PHACTR3: variants seen among roughly 807,000 people sequenced by gnomAD.
PHACTR3 encodes protein phosphatase 1, regulatory subunit 123.
A neutral mutation model predicts 66.8 loss-of-function variants in PHACTR3; 16 were observed. The observed-to-expected ratio is 0.24, with a 90% CI of 0.16 to 0.36. The LOEUF (loss-of-function observed/expected upper bound fraction) is 0.36, where lower values mean the gene tolerates loss of function less well. Among genes scored for constraint, PHACTR3 ranks in the 10% least tolerant of loss-of-function variants. The pLI, the probability that PHACTR3 is intolerant of heterozygous loss-of-function variation, is 1.00. For missense variants in PHACTR3, 647 were observed against 719.9 expected, an observed-to-expected ratio of 0.90 and a Z score of 1.16; for synonymous variants, 323 against 292.1, an observed-to-expected ratio of 1.11 and a Z score of -1.08.
At chr20:59,756,527 G>C (rs1025841322) in intron 4 of PHACTR3, among the ~76,000 whole-genome samples, 1 of 152,264 alleles carries the variant, frequency 6.6e-6, no homozygotes, top group East Asian at 1.9e-4. Context: ...CTCTTCGGGG[G>C]TGGCCGTGTC....
intron 1 of PHACTR3, among the ~76,000 whole-genome samples, chr20:59,666,581 GGA>G (rs768733251): frequency 4.0e-5 from 6 of 151,528 alleles, no homozygotes; most frequent in Admixed American, 1.3e-4. Flanking sequence ...AGAGAGACAG[GGA>G]GAGAGAGAAA....
intron 8 of PHACTR3, among the ~76,000 whole-genome samples, chr20:59,826,729 C>T (rs1393205509): frequency 1.3e-5 from 2 of 152,200 alleles, no homozygotes; most frequent in Non-Finnish European, 2.9e-5. Flanking sequence ...CTGCTTCCCT[C>T]TCTCACGTCC....
chr20:59,805,622 G>GA (rs1303252187), intron 7 of PHACTR3, among the ~76,000 whole-genome samples: 3 of 152,178 alleles, frequency 2.0e-5, no homozygotes, highest in Non-Finnish European at 4.4e-5. Context: ...TGTGGCTGGG[G>GA]GGACAGTGGG....
At chr20:59,671,903 C>G (rs1423731862) in intron 1 of PHACTR3, among the ~76,000 whole-genome samples, 5 of 152,260 alleles carry the variant, frequency 3.3e-5, no homozygotes, top group Admixed American at 3.3e-4. Context: ...TCCAGCCTGG[C>G]CTCTCTAGGA....
Position 59,755,270 on chromosome 20 carries a change from A to C in PHACTR3, c.447A>C (p.Ser149=), listed in dbSNP as rs1164209555. Residue 149 remains serine (S), a synonymous_variant, in exon 4 of 13, where the codon TCA becomes TCC. Coordinates refer to ENST00000371015, the MANE Select transcript of PHACTR3 (RefSeq NM_080672.5). ...PPTPKSETLT[S]EDAQPGSPLA... ...CTCCCAAGTCGGAGACGCTGACTTC[A>C]GAAGATGCCCAGCCCGGAAGCCCCT... The C allele has an allele frequency of 1.2e-6, 2 of 1,613,774 alleles. No individual in the cohort carries two copies. Among genetic ancestry groups the C allele is most frequent in the Non-Finnish European group, 8.5e-7 (1 of 1,180,038 alleles).
chr20:59,780,634 G>T (rs2040692037), intron 7 of PHACTR3, among the ~76,000 whole-genome samples: 2 of 152,132 alleles, frequency 1.3e-5, no homozygotes. Context: ...AATTTTGGGG[G>T]ACACAAACAT....
chr20:59,646,840 GTGTT>G (rs1377352163), intron 1 of PHACTR3, among the ~76,000 whole-genome samples: 5 of 152,362 alleles, frequency 3.3e-5, no homozygotes, highest in Middle Eastern at 3.4e-3. Context: ...GACTGTGTGA[GTGTT>G]TGGGGAGGTA....
At chr20:59,581,764 C>T (rs368048017) in intron 1 of PHACTR3, among the ~76,000 whole-genome samples, 28 of 152,170 alleles carry the variant, frequency 1.8e-4, no homozygotes, top group African/African-American at 6.5e-4. Flanking sequence ...GCCTGTAGTC[C>T]CAGCTACTTG....
chr20:59,664,055 T>C (rs2146484920), intron 1 of PHACTR3, among the ~76,000 whole-genome samples: 1 of 152,294 alleles, frequency 6.6e-6, no homozygotes, highest in Non-Finnish European at 1.5e-5. Context: ...CCTAAACACT[T>C]ATGAGAGAAA....
At chr20:59,791,970 A>G (rs1303541701) in intron 7 of PHACTR3, among the ~76,000 whole-genome samples, 1 of 152,082 alleles carries the variant, frequency 6.6e-6, no homozygotes, top group Non-Finnish European at 1.5e-5. Flanking sequence ...TCCATCTTGG[A>G]GATTAGGTAT....
rs1279147101 is a variant in PHACTR3, at chr20:59,847,270, C to T, written c.*140C>T. 7 of 546,910 alleles carry T rather than the reference C, an allele frequency of 1.3e-5. No individual in the cohort carries two copies. Among genetic ancestry groups the T allele is most frequent in the Non-Finnish European group, 2.3e-5 (7 of 301,528 alleles). The allele number at this position is 546,910 out of a possible 1,614,324, so 33.9% of individuals were successfully genotyped here. On this transcript the variant is annotated 3_prime_UTR_variant, in exon 13 of 13. Transcript: ENST00000371015. Reference sequence around the variant, plus strand: ...AAGAGTAGGATCACACACACAGGTGCAATCTTGACCACACTTACCTGCAAG... The same window carrying T: ...AAGAGTAGGATCACACACACAGGTGTAATCTTGACCACACTTACCTGCAAG...
intron 1 of PHACTR3, among the ~76,000 whole-genome samples, chr20:59,623,669 A>T (rs1005242478): frequency 1.3e-5 from 2 of 152,094 alleles, no homozygotes; most frequent in African/African-American, 4.8e-5. Context: ...GTGGGAATGG[A>T]CCAGATGAAG....
intron 3 of PHACTR3, among the ~76,000 whole-genome samples, chr20:59,749,526 G>A (rs367603687): frequency 2.6e-5 from 4 of 152,204 alleles, no homozygotes; most frequent in African/African-American, 7.2e-5. Flanking sequence ...CCCTGCTGCC[G>A]TGGGAGCCTG....
intron 3 of PHACTR3, 66 bp from the exon 4 acceptor site, chr20:59,755,116 T>C: frequency 2.6e-6 from 4 of 1,517,850 alleles, no homozygotes; most frequent in South Asian, 2.4e-5. Context: ...AGAAAGACTC[T>C]TGGGACGACG....
intron 8 of PHACTR3, among the ~76,000 whole-genome samples, chr20:59,828,354 ATGG>A (rs1396171055): frequency 6.6e-6 from 1 of 152,058 alleles, no homozygotes; most frequent in African/African-American, 2.4e-5. Flanking sequence ...TGGCACTGTG[ATGG>A]TGATTTTTCT....
intron 1 of PHACTR3, among the ~76,000 whole-genome samples, chr20:59,696,785 T>A (rs2037314634): frequency 6.6e-6 from 1 of 152,156 alleles, no homozygotes; most frequent in South Asian, 2.1e-4. Flanking sequence ...GGACCCTGGG[T>A]GGCAGGGCCT....
chr20:59,819,475 G>A (rs924790101), intron 8 of PHACTR3, among the ~76,000 whole-genome samples: 12 of 151,746 alleles, frequency 7.9e-5, no homozygotes, highest in South Asian at 2.1e-4. Context: ...GTTAGAGGCT[G>A]CAGTGAACTA....
At chr20:59,815,897 G>C (rs938416431) in intron 8 of PHACTR3, among the ~76,000 whole-genome samples, 4 of 152,058 alleles carry the variant, frequency 2.6e-5, no homozygotes, top group Non-Finnish European at 5.9e-5. Context: ...CCATTGTCTA[G>C]AGCAGCAGTC....
chr20:59,582,578 C>T (rs991811466), intron 1 of PHACTR3, among the ~76,000 whole-genome samples: 9 of 152,332 alleles, frequency 5.9e-5, no homozygotes, highest in Non-Finnish European at 1.0e-4. Flanking sequence ...CCGTTTCTCT[C>T]GCCAGCACTT....
Sources: allele counts gnomAD v4.1 joint callset (sites outside exome capture counted in the v4.1 genomes callset), GRCh38; gene constraint gnomAD v4.1.1; transcripts MANE v1.5; gene names NCBI Gene and HGNC (gene_info 2026-07-23, HGNC 2026-07-21).